Variants in HMGB1 observed in about 807,000 individuals in gnomAD.
HMGB1 encodes the protein high mobility group box 1.
For missense variants in HMGB1, 79 were observed against 253.5 expected (o/e 0.31, Z 4.67); for synonymous variants, 81 against 84.0 (o/e 0.96, Z 0.19).
intron 1 of HMGB1, among the ~76,000 whole-genome samples, chr13:30,583,812 C>T (rs1442510407): frequency 4.7e-5 from 6 of 126,538 alleles, no homozygotes; most frequent in African/African-American, 1.6e-4. Context: ...ACAGAGCGAG[C>T]GAGACTCTGT....
intron 1 of HMGB1, among the ~76,000 whole-genome samples, chr13:30,531,715 C>T (rs1300914114): frequency 3.3e-5 from 5 of 151,510 alleles, no homozygotes; most frequent in African/African-American, 1.2e-4. Context: ...GCTTGACCAA[C>T]ATGGTGAAAC....
chr13:30,569,277 G>A (rs1870324957), intron 1 of HMGB1, among the ~76,000 whole-genome samples: 2 of 152,236 alleles, frequency 1.3e-5, no homozygotes, highest in South Asian at 2.1e-4. Context: ...AAAAGTGCTC[G>A]GACAGGCCCA....
chr13:30,571,292 G>GTTT (rs557966775), intron 1 of HMGB1, among the ~76,000 whole-genome samples: 3 of 135,496 alleles, frequency 2.2e-5, no homozygotes, highest in East Asian at 2.1e-4. Context: ...CAAAAAAATG[G>GTTT]TTTTTTTTTT....
At chr13:30,553,747 G>A (rs1392247543) in intron 1 of HMGB1, 5 of 1,365,836 alleles carry the variant, frequency 3.7e-6, no homozygotes, top group African/African-American at 2.9e-5. Flanking sequence ...TTGGAAATTC[G>A]AAATGAGTCC....
At chr13:30,492,175 AAAAG>A (rs1216022137) in intron 1 of HMGB1, among the ~76,000 whole-genome samples, 7 of 151,904 alleles carry the variant, frequency 4.6e-5, no homozygotes, top group African/African-American at 9.7e-5. Flanking sequence ...TAAAAAAAAA[AAAAG>A]AAAGAAAGAT....
chr13:30,554,510 G>A (rs1271929091), intron 1 of HMGB1: 10 of 976,312 alleles, frequency 1.0e-5, no homozygotes, highest in Non-Finnish European at 1.7e-5. Flanking sequence ...ATGTATAAAG[G>A]TAGATTCTAG....
rs188108326 is a variant in HMGB1, at chr13:30,482,619, C to T, written c.-14-18925G>A. On this transcript the variant is annotated intron_variant, in intron 1 of 4. Transcript: ENST00000405805. ...TCTGGCTCTGAAGCCAAGTCTGACT[C>T]GACACCTTCCATGTCTGTCTCTTTC... 9.2e-4 allele frequency among the ~76,000 whole-genome samples: 140 copies of T among 152,260 alleles called. 2 individuals are homozygous for T. Among genetic ancestry groups the T allele is most frequent in the South Asian group, 8.5e-3 (41 of 4,828 alleles).
chr13:30,491,902 C>T (rs1002390317), intron 1 of HMGB1, among the ~76,000 whole-genome samples: 1 of 152,154 alleles, frequency 6.6e-6, no homozygotes, highest in African/African-American at 2.4e-5. Flanking sequence ...GGTGCGGTGG[C>T]TTACGCCTGT....
rs1593312154 is a variant in HMGB1 at position 30,559,401 on chromosome 13, A to G, written c.-15+57270T>C. On this transcript the variant is annotated intron_variant, in intron 1 of 4. Transcript: ENST00000405805. The surrounding 1 kb of genome is among the most constrained non-coding windows in gnomAD (Gnocchi z 6.6). ...ATGGCCCGAGTTTCATTGCTGGTTT[A>G]CTAGTTTTGCTTCCTTGGGCAGTGA... Among the ~76,000 whole-genome samples the G allele has an allele frequency of 6.6e-6, 1 of 152,158 alleles. No homozygotes were observed. Among genetic ancestry groups the G allele is most frequent in the East Asian group, 1.9e-4 (1 of 5,194 alleles).
intron 1 of HMGB1, among the ~76,000 whole-genome samples, chr13:30,484,820 G>A (rs1887326724): frequency 6.6e-6 from 1 of 151,806 alleles, no homozygotes. Context: ...GAGAAGGGAA[G>A]AGAAGAGAAG....
chr13:30,532,192 C>T (rs1452444975), intron 1 of HMGB1, among the ~76,000 whole-genome samples: 6 of 150,466 alleles, frequency 4.0e-5, no homozygotes, highest in East Asian at 2.0e-4. Flanking sequence ...AAAAATTAGC[C>T]GGCATGGTGG....
intron 1 of HMGB1, among the ~76,000 whole-genome samples, chr13:30,482,917 A>G (rs1289497703): frequency 1.3e-5 from 2 of 150,698 alleles, no homozygotes; most frequent in Non-Finnish European, 1.5e-5. Context: ...CCTCCTGGGT[A>G]TCTAGGACTA....
intron 1 of HMGB1, among the ~76,000 whole-genome samples, chr13:30,510,456 G>A (rs1474829608): frequency 6.6e-6 from 1 of 151,362 alleles, no homozygotes; most frequent in African/African-American, 2.4e-5. Context: ...AAACCTCTGG[G>A]AAAAAAAAGA....
chr13:30,585,899 C>T (rs906669842), intron 1 of HMGB1, among the ~76,000 whole-genome samples: 5 of 152,052 alleles, frequency 3.3e-5, no homozygotes, highest in African/African-American at 1.2e-4. Flanking sequence ...TTCCTCTTGA[C>T]CACAAAACTT....
chr13:30,533,539 A>AT (rs1237031394), intron 1 of HMGB1, among the ~76,000 whole-genome samples: 3 of 151,354 alleles, frequency 2.0e-5, no homozygotes, highest in Non-Finnish European at 4.4e-5. Context: ...TAACTTTTGT[A>AT]TTTTTAGTGG....
intron 1 of HMGB1, among the ~76,000 whole-genome samples, chr13:30,492,484 C>T (rs1887519055): frequency 6.6e-6 from 1 of 151,858 alleles, no homozygotes; most frequent in Non-Finnish European, 1.5e-5. Context: ...AAAAGACAAA[C>T]AAATGCTTTA....
At chr13:30,520,938 C>T (rs917997525) in intron 1 of HMGB1, among the ~76,000 whole-genome samples, 3 of 152,166 alleles carry the variant, frequency 2.0e-5, no homozygotes, top group South Asian at 4.1e-4. Context: ...AGGAAAGGAG[C>T]GCTTCACTCT....
intron 1 of HMGB1, among the ~76,000 whole-genome samples, chr13:30,505,822 C>A (rs1042401104): frequency 1.3e-5 from 2 of 152,110 alleles, no homozygotes; most frequent in African/African-American, 2.4e-5. Flanking sequence ...TTGGATCCCC[C>A]CTTTGTCTTC....
intron 1 of HMGB1, among the ~76,000 whole-genome samples, chr13:30,536,902 C>A (rs2137493115): frequency 6.6e-6 from 1 of 152,318 alleles, no homozygotes; most frequent in African/African-American, 2.4e-5. Flanking sequence ...TCCTGCTCCA[C>A]AGGGCCTGGA....
Sources: gnomAD v4.1 joint callset for allele counts (sites outside exome capture counted in the v4.1 genomes callset) on GRCh38, gnomAD v4.1.1 for gene constraint, Gnocchi (gnomAD v3.1) non-coding constraint, MANE v1.5 for transcripts, NCBI Gene and HGNC (gene_info 2026-07-23, HGNC 2026-07-21) for gene names.